Variants in EPHA5 observed in about 807,000 individuals in gnomAD.
EPHA5 encodes the protein ephrin type-A receptor 5.
In EPHA5, 60 loss-of-function variants were observed where a neutral mutation model predicts 105.0. The observed-to-expected ratio is 0.57, with a 90% confidence interval of 0.46 to 0.71. EPHA5 has a LOEUF of 0.71. EPHA5 is among the 30% of genes least tolerant of loss of function. The pLI, the probability that EPHA5 is intolerant of heterozygous loss-of-function variation, is 0.00. For synonymous variants in EPHA5, 513 were observed against 449.1 expected, an observed-to-expected ratio of 1.14 and a Z score of -1.80; for missense variants, 1,218 against 1,274.7, an observed-to-expected ratio of 0.96 and a Z score of 0.68.
chr4:65,420,019 A>T (rs945383350), intron 6 of EPHA5, among the ~76,000 whole-genome samples: 7 of 152,162 alleles, frequency 4.6e-5, no homozygotes, highest in South Asian at 2.1e-4. Flanking sequence ...TAAAAAATGT[A>T]TGTGATATAT....
intron 5 of EPHA5, among the ~76,000 whole-genome samples, chr4:65,452,581 C>CAAAAAAAAAAAAAAAAA (rs34579426): frequency 7.1e-6 from 1 of 139,908 alleles, no homozygotes; most frequent in African/African-American, 2.7e-5. Flanking sequence ...GCTAAAATAC[C>CAAAAAAAAAAAAAAAAA]AAAAAAAAAA....
intron 5 of EPHA5, among the ~76,000 whole-genome samples, chr4:65,438,072 C>T (rs916874880): frequency 6.6e-6 from 1 of 151,810 alleles, no homozygotes; most frequent in Non-Finnish European, 1.5e-5. Context: ...TAATTAAATA[C>T]TTGGAGGGAG....
chr4:65,357,561 G>C (rs1260304273), intron 11 of EPHA5, among the ~76,000 whole-genome samples: 2 of 151,278 alleles, frequency 1.3e-5, no homozygotes, highest in African/African-American at 4.8e-5. Context: ...ACCCACATAT[G>C]ATCCAAGCAG....
At chr4:65,504,133 T>C (rs1732768037) in intron 3 of EPHA5, among the ~76,000 whole-genome samples, 1 of 151,448 alleles carries the variant, frequency 6.6e-6, no homozygotes, top group Non-Finnish European at 1.5e-5. Context: ...TCTATATATT[T>C]TATAGAAGTG....
At chr4:65,546,660 G>C (rs1737401289) in intron 3 of EPHA5, among the ~76,000 whole-genome samples, 1 of 151,698 alleles carries the variant, frequency 6.6e-6, no homozygotes, top group African/African-American at 2.4e-5. Flanking sequence ...AAAATTCTAG[G>C]TCTATGACAT....
At chr4:65,512,739 G>A (rs954996986) in intron 3 of EPHA5, among the ~76,000 whole-genome samples, 3 of 152,042 alleles carry the variant, frequency 2.0e-5, no homozygotes, top group African/African-American at 7.2e-5. Context: ...AGTCTCAGGT[G>A]TTATAGAAGT....
At chr4:65,489,298 G>A (rs1288101307) in intron 5 of EPHA5, among the ~76,000 whole-genome samples, 1 of 152,124 alleles carries the variant, frequency 6.6e-6, no homozygotes, top group African/African-American at 2.4e-5. Flanking sequence ...GTAACCAACA[G>A]CATTCCCACA....
chr4:65,640,275 G>GTT (rs36189833), intron 2 of EPHA5, among the ~76,000 whole-genome samples: 1 of 130,192 alleles, frequency 7.7e-6, no homozygotes, highest in African/African-American at 2.8e-5. Context: ...TCATTGCTCA[G>GTT]TTTTTTCTTT....
At chr4:65,632,326 C>T (rs1246681507) in intron 2 of EPHA5, among the ~76,000 whole-genome samples, 1 of 152,000 alleles carries the variant, frequency 6.6e-6, no homozygotes, top group Non-Finnish European at 1.5e-5. Context: ...TATTTCACAA[C>T]TCTAGGAGAC....
chr4:65,346,631 G>T (rs561895977), intron 14 of EPHA5, among the ~76,000 whole-genome samples: 1 of 152,104 alleles, frequency 6.6e-6, no homozygotes, highest in South Asian at 2.1e-4. Flanking sequence ...TGACAAATGG[G>T]ATCTAATTAA....
chr4:65,531,029 T>G (rs1375631896), intron 3 of EPHA5, among the ~76,000 whole-genome samples: 1 of 132,178 alleles, frequency 7.6e-6, no homozygotes, highest in Middle Eastern at 3.9e-3. Context: ...TTTTTATTTT[T>G]TTTATTTTTT....
chr4:65,514,801 T>G (rs985687896), intron 3 of EPHA5, among the ~76,000 whole-genome samples: 1 of 152,172 alleles, frequency 6.6e-6, no homozygotes, highest in African/African-American at 2.4e-5. Context: ...ACTCCTCTAA[T>G]ACTTTAACTC....
chr4:65,332,164 A>G, intron 15 of EPHA5, 36 bp from the exon 16 acceptor site: 1 of 1,487,984 alleles, frequency 6.7e-7, no homozygotes, highest in Non-Finnish European at 9.0e-7. Flanking sequence ...AAAAGTTACA[A>G]TTTAATTCTT....
intron 3 of EPHA5, among the ~76,000 whole-genome samples, chr4:65,583,673 T>C (rs1428490426): frequency 2.0e-5 from 3 of 151,830 alleles, no homozygotes; most frequent in Middle Eastern, 3.4e-3. Flanking sequence ...TAAGGCTAAT[T>C]TGAATGTGGT....
At chr4:65,529,539 A>G (rs1202364044) in intron 3 of EPHA5, among the ~76,000 whole-genome samples, 5 of 152,114 alleles carry the variant, frequency 3.3e-5, no homozygotes, top group Non-Finnish European at 5.9e-5. Context: ...AAAGACCAAG[A>G]GGGAGAGACA....
chr4:65,420,337 T>A (rs534769940), intron 6 of EPHA5, 104 bp downstream of exon 6: 2 of 1,135,568 alleles, frequency 1.8e-6, no homozygotes, highest in Non-Finnish European at 2.5e-6. Flanking sequence ...TGTCATTGAT[T>A]TACACATAAA....
intron 8 of EPHA5, among the ~76,000 whole-genome samples, chr4:65,376,123 T>G (rs1718978623): frequency 6.6e-6 from 1 of 151,986 alleles, no homozygotes; most frequent in Middle Eastern, 3.2e-3. Flanking sequence ...CAACAAAAAT[T>G]ACTTTACACC....
intron 11 of EPHA5, among the ~76,000 whole-genome samples, chr4:65,363,528 T>C (rs1301574409): frequency 6.6e-6 from 1 of 151,548 alleles, no homozygotes; most frequent in African/African-American, 2.4e-5. Flanking sequence ...GTAGATTGGC[T>C]GCCTATGGAG....
At chr4:65,377,925 T>C (rs777330327) in intron 8 of EPHA5, among the ~76,000 whole-genome samples, 16 of 151,984 alleles carry the variant, frequency 1.1e-4, no homozygotes, top group African/African-American at 3.6e-4. Context: ...AACAGAACTA[T>C]AATGTGAGCT....
Sources: allele counts gnomAD v4.1 joint callset (sites outside exome capture counted in the v4.1 genomes callset), GRCh38; gene constraint gnomAD v4.1.1; transcripts MANE v1.5; gene names NCBI Gene and HGNC (gene_info 2026-07-23, HGNC 2026-07-21).